FGF14: variants seen among roughly 807,000 people sequenced by gnomAD.
FGF14 encodes fibroblast growth factor 14, also known as fibroblast growth factor homologous factor 4.
Under a neutral mutation model 25.5 loss-of-function variants are expected in FGF14, and 5 were observed. That is an observed-to-expected ratio of 0.20 (90% CI 0.10 to 0.41). FGF14 has a LOEUF of 0.41. Among genes scored for constraint, FGF14 ranks in the 10% least tolerant of loss-of-function variants. The probability of loss-of-function intolerance (pLI) is 1.00; values close to 1 mark genes in which losing one functional copy is unlikely to be tolerated. For synonymous variants in FGF14, 138 were observed against 118.3 expected, an observed-to-expected ratio of 1.17 and a Z score of -1.08; for missense variants, 222 against 320.1, an observed-to-expected ratio of 0.69 and a Z score of 2.34.
intron 1 of FGF14, among the ~76,000 whole-genome samples, chr13:101,893,848 G>C (rs1349424351): frequency 6.6e-6 from 1 of 152,182 alleles, no homozygotes; most frequent in Non-Finnish European, 1.5e-5. Context: ...AAGCCATTAA[G>C]TTTGTAATGA....
At chr13:102,011,717 A>C (rs750408292) in intron 1 of FGF14, among the ~76,000 whole-genome samples, 1 of 152,218 alleles carries the variant, frequency 6.6e-6, no homozygotes, top group African/African-American at 2.4e-5. Flanking sequence ...GGTTTCTGGA[A>C]GGATCACAGA....
intron 3 of FGF14, chr13:101,802,415 G>T: frequency 4.6e-6 from 1 of 216,572 alleles, no homozygotes; most frequent in Non-Finnish European, 9.2e-6. Context: ...AAGAAAACAT[G>T]GAGGACAAAG....
chr13:102,302,367 A>C (rs534760875), intron 1 of FGF14, among the ~76,000 whole-genome samples: 2 of 152,104 alleles, frequency 1.3e-5, no homozygotes, highest in Non-Finnish European at 2.9e-5. Flanking sequence ...TCCTCCCATC[A>C]GATGTTTTTC....
At chr13:101,986,890 C>T (rs1279251745) in intron 1 of FGF14, among the ~76,000 whole-genome samples, 2 of 151,750 alleles carry the variant, frequency 1.3e-5, no homozygotes, top group Non-Finnish European at 2.9e-5. Flanking sequence ...TCTTGTCTGT[C>T]TCTTTGTCTC....
At chr13:102,346,190 T>C (rs2057100275) in intron 1 of FGF14, among the ~76,000 whole-genome samples, 1 of 152,116 alleles carries the variant, frequency 6.6e-6, no homozygotes, top group African/African-American at 2.4e-5. Flanking sequence ...AGCTTCAGGA[T>C]TCAAAAATTG....
intron 1 of FGF14, among the ~76,000 whole-genome samples, chr13:101,887,328 G>GTGTA (rs372585813): frequency 0.06 from 8,869 of 147,350 alleles, 345 homozygotes; most frequent in Admixed American, 0.14. Flanking sequence ...ATATATGTGT[G>GTGTA]TATATATATA....
At chr13:101,769,646 T>C (rs1287191677) in intron 3 of FGF14, among the ~76,000 whole-genome samples, 1 of 151,990 alleles carries the variant, frequency 6.6e-6, no homozygotes, top group Non-Finnish European at 1.5e-5. Context: ...GAGCTGTCAA[T>C]CCATGAACAG....
chr13:101,873,929 G>A (rs1036617922), intron 2 of FGF14, among the ~76,000 whole-genome samples: 10 of 151,856 alleles, frequency 6.6e-5, no homozygotes, highest in African/African-American at 2.4e-4. Flanking sequence ...AGAGTGATAT[G>A]AGACACAAAG....
chr13:102,201,134 A>G (rs1288268578), intron 1 of FGF14, among the ~76,000 whole-genome samples: 6 of 124,188 alleles, frequency 4.8e-5, no homozygotes, highest in Admixed American at 1.7e-4. Context: ...AAAAAAAAAA[A>G]AGACTAATGT....
At chr13:102,245,162 T>C (rs1310549312) in intron 1 of FGF14, among the ~76,000 whole-genome samples, 3 of 152,048 alleles carry the variant, frequency 2.0e-5, no homozygotes, top group African/African-American at 7.2e-5. Context: ...CTACCTGAGC[T>C]TGAGTGAGTC....
intron 1 of FGF14, among the ~76,000 whole-genome samples, chr13:101,923,464 T>A (rs2034149472): frequency 6.6e-6 from 1 of 152,128 alleles, no homozygotes. Context: ...TTTTCATTTT[T>A]TACTCATTTG....
intron 1 of FGF14, among the ~76,000 whole-genome samples, chr13:102,025,431 T>C (rs1345929539): frequency 2.0e-5 from 3 of 152,020 alleles, no homozygotes; most frequent in East Asian, 1.9e-4. Flanking sequence ...TTTTTCTTTT[T>C]TGGAGACAGA....
At chr13:102,110,535 C>A (rs1375110118) in intron 1 of FGF14, among the ~76,000 whole-genome samples, 1 of 152,112 alleles carries the variant, frequency 6.6e-6, no homozygotes, top group African/African-American at 2.4e-5. Flanking sequence ...GGCTGCTTTG[C>A]GGCTGGGATC....
chr13:102,258,622 A>T (rs972320413), intron 1 of FGF14, among the ~76,000 whole-genome samples: 2 of 152,122 alleles, frequency 1.3e-5, no homozygotes, highest in Non-Finnish European at 2.9e-5. Flanking sequence ...ATGGCAGCAG[A>T]TGGGTCGCTC....
chr13:102,360,320 C>T (rs369316527), intron 1 of FGF14, among the ~76,000 whole-genome samples: 3 of 152,082 alleles, frequency 2.0e-5, no homozygotes, highest in African/African-American at 4.8e-5. Flanking sequence ...TGAAAATTAG[C>T]CTACAAAATA....
intron 1 of FGF14, among the ~76,000 whole-genome samples, chr13:102,062,653 T>A (rs1242899380): frequency 6.6e-6 from 1 of 152,176 alleles, no homozygotes; most frequent in African/African-American, 2.4e-5. Context: ...GAAACAAATT[T>A]CAATTTCTCC....
At chr13:101,903,743 T>C (rs575283708) in intron 1 of FGF14, among the ~76,000 whole-genome samples, 1 of 152,174 alleles carries the variant, frequency 6.6e-6, no homozygotes, top group Admixed American at 6.5e-5. Flanking sequence ...AAGCATGGAG[T>C]CTAAGCCAAC....
rs2053485532 is a variant in FGF14, at chr13:102,275,360, T to G, written c.208+126111A>C. ...AAATTAAAAAATATGCCAAAAATAT[T>G]ATCTAATGAAGAATTTAAATCATAA... On this transcript the variant is annotated intron_variant, in intron 1 of 4. Transcript: ENST00000376131. Among the ~76,000 whole-genome samples the G allele has an allele frequency of 2.0e-5, 3 of 151,972 alleles. No homozygotes were observed. In the South Asian group the frequency reaches 6.2e-4, roughly 32 times the overall value.
At position 102,400,679 on chromosome 13, in the gene FGF14, A is replaced by G. The variant is rs1434699375; in HGVS notation, c.208+792T>C. ...GAGCCCTTTGGAATCGGGGCGCATG[A>G]TCACCAGTAGGCTTAAAAGCAGGAA... On this transcript the variant is annotated intron_variant, in intron 1 of 4. Coordinates refer to the FGF14 transcript ENST00000376131. This position sits in a 1 kb window ranked among gnomAD's most constrained non-coding sequence, Gnocchi z 4.3. Among the ~76,000 whole-genome samples, 1 of 152,224 alleles carries G rather than the reference A, an allele frequency of 6.6e-6. No individual in the cohort carries two copies. The highest frequency in any genetic ancestry group is 1.5e-5 in the Non-Finnish European group (1 of 68,040).
Sources: gnomAD v4.1 joint callset for allele counts (sites outside exome capture counted in the v4.1 genomes callset) on GRCh38, gnomAD v4.1.1 for gene constraint, Gnocchi (gnomAD v3.1) non-coding constraint, MANE v1.5 for transcripts, NCBI Gene and HGNC (gene_info 2026-07-23, HGNC 2026-07-21) for gene names.